The following TBC1D32 variants were observed in gnomAD, a reference collection of about 807,000 sequenced individuals.
The protein encoded by TBC1D32 is protein broad-minded.
A neutral mutation model predicts 170.3 loss-of-function variants in TBC1D32; 151 were observed. That is an observed-to-expected ratio of 0.89 (90% confidence interval 0.78 to 1.01). The LOEUF (loss-of-function observed/expected upper bound fraction) is 1.01, where lower values mean the gene tolerates loss of function less well. Among genes scored for constraint, TBC1D32 ranks in the 50% least tolerant of loss-of-function variants. The pLI is 0.00. For synonymous variants in TBC1D32, 498 were observed against 488.0 expected (o/e 1.02, Z -0.27); for missense variants, 1,464 against 1,457.1 (o/e 1.00, Z -0.08).
At chr6:121,212,291 T>C (rs1793166569) in intron 21 of TBC1D32, among the ~76,000 whole-genome samples, 1 of 151,964 alleles carries the variant, frequency 6.6e-6, no homozygotes, top group African/African-American at 2.4e-5. Flanking sequence ...TTCTACCAGA[T>C]GTACAAATAA....
intron 19 of TBC1D32, 127 bp downstream of exon 19, chr6:121,241,338 G>T (rs1796960696): frequency 4.0e-6 from 3 of 749,936 alleles, no homozygotes; most frequent in South Asian, 3.7e-5. Flanking sequence ...TTTACATAAG[G>T]TCTAACTTAG....
intron 12 of TBC1D32, among the ~76,000 whole-genome samples, chr6:121,290,689 A>G (rs2128461560): frequency 6.6e-6 from 1 of 152,194 alleles, no homozygotes; most frequent in South Asian, 2.1e-4. Flanking sequence ...TGCTATAAAG[A>G]CACATGCACA....
chr6:121,274,410 G>A (rs1370198471), intron 15 of TBC1D32, among the ~76,000 whole-genome samples: 1 of 149,270 alleles, frequency 6.7e-6, no homozygotes, highest in Non-Finnish European at 1.5e-5. Context: ...CAACAGAAAG[G>A]CTAGAAAATG....
chr6:121,095,754 A>G (rs1344254492), intron 30 of TBC1D32, among the ~76,000 whole-genome samples: 2 of 152,150 alleles, frequency 1.3e-5, no homozygotes, highest in African/African-American at 4.8e-5. Flanking sequence ...CGTATGTTGA[A>G]CCAGTCTTGC....
At chr6:121,261,845 A>G (rs1243364732) in intron 15 of TBC1D32, among the ~76,000 whole-genome samples, 1 of 152,186 alleles carries the variant, frequency 6.6e-6, no homozygotes, top group Non-Finnish European at 1.5e-5. Context: ...GAGGTAAAGG[A>G]GCATGTTCTA....
intron 29 of TBC1D32, among the ~76,000 whole-genome samples, chr6:121,106,758 GC>G (rs1443550081): frequency 6.6e-6 from 1 of 151,690 alleles, no homozygotes; most frequent in Non-Finnish European, 1.5e-5. Context: ...AGGTTCTCAG[GC>G]CAACTATTTT....
At chr6:121,300,554 A>C (rs2128474574) in intron 9 of TBC1D32, among the ~76,000 whole-genome samples, 1 of 152,280 alleles carries the variant, frequency 6.6e-6, no homozygotes, top group African/African-American at 2.4e-5. Context: ...TGGATTAAAG[A>C]CTTAAACATA....
At chr6:121,154,054 A>AAAG (rs1224091618) in intron 24 of TBC1D32, among the ~76,000 whole-genome samples, 7 of 150,756 alleles carry the variant, frequency 4.6e-5, no homozygotes, top group African/African-American at 1.7e-4. Context: ...AAAAAAAAAA[A>AAAG]ACCTCCTGCA....
rs1268190973 is a variant in TBC1D32 at position 121,310,834 on chromosome 6, C to T, written c.509G>A (p.Cys170Tyr). 3 of 1,586,218 alleles carry T rather than the reference C, an allele frequency of 1.9e-6. No individual in the cohort carries two copies. The highest frequency in any genetic ancestry group is 1.1e-5 in the South Asian group (1 of 89,164). ...TAAAATCAATTGTAATTTTCCTTGA[C>T]AAAATTTGTAACTCTGTAACACAAT... ...DSSLNQSYKF[C>Y]QGKLQLILDQ... Residue 170 changes from cysteine (C) to tyrosine (Y), a missense_variant, in exon 4 of 32, where the codon TGT (cysteine) becomes TAT (tyrosine). Around this residue, in one of 3 missense-constraint regions of TBC1D32, gnomAD observed 1,363 missense variants for 1,338.1 expected, o/e 1.02. Transcript: ENST00000398212.
chr6:121,133,218 TCTTA>T (rs980955878), intron 24 of TBC1D32, among the ~76,000 whole-genome samples: 13 of 151,154 alleles, frequency 8.6e-5, no homozygotes, highest in Non-Finnish European at 1.5e-4. Context: ...GCTAACAATG[TCTTA>T]CTTTTTTCTT....
intron 15 of TBC1D32, among the ~76,000 whole-genome samples, chr6:121,272,992 A>G (rs1429271647): frequency 6.6e-6 from 1 of 152,048 alleles, no homozygotes; most frequent in South Asian, 2.1e-4. Context: ...CATCATTCTG[A>G]GCAAACTATC....
chr6:121,267,813 TG>T (rs549708276), intron 15 of TBC1D32, among the ~76,000 whole-genome samples: 3 of 152,224 alleles, frequency 2.0e-5, no homozygotes, highest in African/African-American at 7.2e-5. Flanking sequence ...CCTCCTCAAG[TG>T]GGTCCCTGTC....
Position 121,177,472 on chromosome 6 carries a change from G to A in TBC1D32, c.2571-16416C>T, listed in dbSNP as rs1018639331. 3.3e-5 allele frequency among the ~76,000 whole-genome samples: 5 copies of A among 152,216 alleles called. No homozygotes were observed. In the South Asian group the frequency reaches 1.0e-3, roughly 32 times the overall value. On this transcript the variant is annotated intron_variant, in intron 22 of 31. Transcript: ENST00000398212. ...CTTCTCGTATAGTCTGCAGAACCAT[G>A]AGCCAATTAAACCTCTTTTCTTCAT... is the stretch of plus-strand genomic sequence containing the variant.
chr6:121,251,682 A>T (rs1197563442), intron 17 of TBC1D32, among the ~76,000 whole-genome samples: 3 of 152,230 alleles, frequency 2.0e-5, no homozygotes, highest in Non-Finnish European at 4.4e-5. Context: ...AAGCAATTGC[A>T]GCAAAAGCCA....
At position 121,245,612 on chromosome 6, in the gene TBC1D32, C is replaced by T. The variant is rs56899462; in HGVS notation, c.2019-3273G>A. ...TTGGAGAAGGGATCCTTGGTCCCCC[C>T]GGTACATTACTGCAGACAAAACTGA... On this transcript the variant is annotated intron_variant, in intron 17 of 31. Coordinates refer to ENST00000398212, the MANE Select transcript of TBC1D32 (RefSeq NM_152730.6). Among the ~76,000 whole-genome samples the T allele has an allele frequency of 8.9e-3, 1,347 of 152,178 alleles. 24 individuals carry two copies. Among genetic ancestry groups the T allele is most frequent in the African/African-American group, 0.031 (1,271 of 41,512 alleles).
chr6:121,334,528 T>C, upstream of TBC1D32: 3 of 1,409,102 alleles, frequency 2.1e-6, no homozygotes, highest in Non-Finnish European at 2.9e-6. Flanking sequence ...CCCGGCTACG[T>C]GCGGCGTCGT....
intron 15 of TBC1D32, among the ~76,000 whole-genome samples, chr6:121,274,944 G>GC (rs1802018370): frequency 1.3e-5 from 2 of 152,048 alleles, no homozygotes; most frequent in African/African-American, 4.8e-5. Flanking sequence ...TGACAGCTAA[G>GC]TACATTGAAA....
At chr6:121,256,052 A>T (rs776170667) in intron 16 of TBC1D32, 32 bp downstream of exon 16, 4 of 1,559,410 alleles carry the variant, frequency 2.6e-6, no homozygotes, top group East Asian at 2.2e-5. Context: ...AAAGATTTGC[A>T]GGGAGAAAAA....
At chr6:121,290,663 G>A (rs1467219571) in intron 12 of TBC1D32, among the ~76,000 whole-genome samples, 2 of 152,148 alleles carry the variant, frequency 1.3e-5, no homozygotes, top group Non-Finnish European at 2.9e-5. Context: ...TATACCCAAA[G>A]GATTATAAAT....
Sources: allele counts gnomAD v4.1 joint callset (sites outside exome capture counted in the v4.1 genomes callset), GRCh38; gene constraint gnomAD v4.1.1; regional missense constraint gnomAD v4.1.1; transcripts MANE v1.5; gene names NCBI Gene and HGNC (gene_info 2026-07-23, HGNC 2026-07-21).